ABL1: variants seen among roughly 807,000 people sequenced by gnomAD.
ABL1 encodes ABL proto-oncogene 1, non-receptor tyrosine kinase.
In ABL1, 11 loss-of-function variants were observed where a neutral mutation model predicts 94.7. The observed-to-expected ratio is 0.12, with a 90% CI of 0.07 to 0.19. The LOEUF (loss-of-function observed/expected upper bound fraction) is 0.19, where lower values mean the gene tolerates loss of function less well. Among genes scored for constraint, ABL1 ranks in the 10% least tolerant of loss-of-function variants. The pLI is 1.00. For synonymous variants in ABL1, 656 were observed against 622.4 expected (o/e 1.05, Z -0.80); for missense variants, 1,082 against 1,489.4 (o/e 0.73, Z 4.50).
intron 1 of ABL1, among the ~76,000 whole-genome samples, chr9:130,841,668 C>T (rs1830674132): frequency 6.6e-6 from 1 of 151,690 alleles, no homozygotes; most frequent in African/African-American, 2.4e-5. Context: ...AAAAATTAGC[C>T]AGGCGTAGTG....
chr9:130,735,934 C>CAT (rs71389344), intron 1 of ABL1, among the ~76,000 whole-genome samples: 1,381 of 80,162 alleles, frequency 0.017, 30 homozygotes, highest in South Asian at 0.037. Flanking sequence ...CATGTGTGTG[C>CAT]ATATATATAT....
intron 1 of ABL1, among the ~76,000 whole-genome samples, chr9:130,749,705 T>G (rs1430849924): frequency 6.6e-6 from 1 of 152,136 alleles, no homozygotes; most frequent in Non-Finnish European, 1.5e-5. Flanking sequence ...CTCTCCCAGG[T>G]GGGTAGGAGA....
chr9:130,754,023 G>A (rs549651957), intron 1 of ABL1, among the ~76,000 whole-genome samples: 13 of 151,146 alleles, frequency 8.6e-5, no homozygotes, highest in Admixed American at 3.3e-4. Flanking sequence ...TGGCCAACAT[G>A]GTGAAACCCC....
chr9:130,878,567 T>C lies in ABL1; in HGVS notation c.1423T>C (p.Cys475Arg). ...GAAGGTCTATGAACTCATGCGAGCA[T>C]GTAAGCCTTCCTCAGCCTGTTCTCA... The part of the protein sequence containing the change: ...PEKVYELMRA[C>R]WQWNPSDRPS... Residue 475 changes from cysteine (C) to arginine (R), a missense_variant and splice_region_variant, in exon 8 of 11, where the codon TGT becomes CGT. Physicochemically the swap from Cys to Arg is radical, Grantham distance 180 (BLOSUM62 -3). Transcript: ENST00000318560. The C allele has an allele frequency of 6.2e-7, 1 of 1,614,068 alleles. No individual in the cohort carries two copies. Among genetic ancestry groups the C allele is most frequent in the East Asian group, 2.2e-5 (1 of 44,874 alleles).
At chr9:130,809,655 G>A (rs1428854772) in intron 1 of ABL1, among the ~76,000 whole-genome samples, 2 of 152,144 alleles carry the variant, frequency 1.3e-5, no homozygotes, top group African/African-American at 4.8e-5. Flanking sequence ...CCAGTTCGAA[G>A]GCAGTTAGGC....
Position 130,872,138 on chromosome 9 carries a change from A to G in ABL1, c.832A>G (p.Met278Val). 6.2e-7 allele frequency: 1 copy of G among 1,613,436 alleles called. No individual in the cohort carries two copies. Among genetic ancestry groups the G allele is most frequent in the Non-Finnish European group, 8.5e-7 (1 of 1,179,658 alleles). ...VAVKTLKEDT[M>V]EVEEFLKEAA... Reference sequence around the variant, plus strand: ...TTTTTTCCTTCTGCAGGAGGACACCATGGAGGTGGAAGAGTTCTTGAAAGA... The same window carrying G: ...TTTTTTCCTTCTGCAGGAGGACACCGTGGAGGTGGAAGAGTTCTTGAAAGA... Residue 278 changes from methionine to valine, a missense_variant, in exon 5 of 11, where the codon ATG becomes GTG. Physicochemically the swap from Met to Val is conservative, Grantham distance 21. This residue lies in a region of ABL1 where 92 missense variants were observed against 212.3 expected (regional missense o/e 0.43). Transcript: ENST00000318560. This position sits in a 1 kb window ranked among gnomAD's most constrained non-coding sequence, Gnocchi z 5.0.
At chr9:130,741,471 T>G (rs529311915) in intron 1 of ABL1, among the ~76,000 whole-genome samples, 1 of 151,784 alleles carries the variant, frequency 6.6e-6, no homozygotes, top group Admixed American at 6.6e-5. Context: ...GAGTAACAAT[T>G]ATAGCACTGG....
intron 1 of ABL1, among the ~76,000 whole-genome samples, chr9:130,769,486 C>G: frequency 6.6e-6 from 1 of 151,878 alleles, no homozygotes; most frequent in South Asian, 2.1e-4. Flanking sequence ...TGTGCACCAC[C>G]ATGACTGGCT....
chr9:130,862,913 A>C lies in ABL1; in HGVS notation c.700A>C (p.Lys234Gln). 2 of 1,614,176 alleles carry C rather than the reference A, an allele frequency of 1.2e-6. No homozygotes were observed. Among genetic ancestry groups the C allele is most frequent in the Non-Finnish European group, 1.7e-6 (2 of 1,180,028 alleles). ...TVYGVSPNYDKWEMERTDITM... is the reference protein window; with the variant it reads ...TVYGVSPNYDQWEMERTDITM... ...CTATGGTGTGTCCCCCAACTACGACAAGTGGGAGATGGAACGCACGGACAT... is the reference window on the plus strand; with the variant it reads ...CTATGGTGTGTCCCCCAACTACGACCAGTGGGAGATGGAACGCACGGACAT... Residue 234 changes from lysine to glutamine, a missense_variant, in exon 4 of 11, where the codon AAG (lysine) becomes CAG (glutamine). Coordinates refer to ENST00000318560, the MANE Select transcript of ABL1 (RefSeq NM_005157.6). The surrounding 1 kb of genome is among the most constrained non-coding windows in gnomAD (Gnocchi z 5.5).
Position 130,790,386 on chromosome 9 carries a change from G to A in ABL1, c.137-63678G>A, listed in dbSNP as rs144158693. ...GCCTGCATATCTAAGCTGTGTTCAC[G>A]CTCCTCACAAGCATGCTTGTAGGTG... On this transcript the variant is annotated intron_variant, in intron 1 of 10. Coordinates refer to the ABL1 transcript ENST00000372348. Among the ~76,000 whole-genome samples, 119 of 152,306 alleles carry A rather than the reference G, an allele frequency of 7.8e-4. 1 individual carries two copies. Among genetic ancestry groups the A allele is most frequent in the African/African-American group, 2.8e-3 (117 of 41,556 alleles).
At chr9:130,842,781 A>T (rs1830695521) in intron 1 of ABL1, among the ~76,000 whole-genome samples, 1 of 152,230 alleles carries the variant, frequency 6.6e-6, no homozygotes, top group Non-Finnish European at 1.5e-5. Flanking sequence ...GACAATAAAA[A>T]TGCCTTTGTG....
At chr9:130,731,585 G>A (rs1047825850) in intron 1 of ABL1, among the ~76,000 whole-genome samples, 3 of 152,144 alleles carry the variant, frequency 2.0e-5, no homozygotes, top group African/African-American at 4.8e-5. Context: ...ATACATGTAC[G>A]TGTGGATCTG....
chr9:130,855,680 T>C (rs1014483992), intron 3 of ABL1, among the ~76,000 whole-genome samples: 1 of 152,170 alleles, frequency 6.6e-6, no homozygotes, highest in Non-Finnish European at 1.5e-5. Flanking sequence ...GATTTTGTGG[T>C]CTTCATATAA....
At chr9:130,720,576 G>C (rs1006692644) in intron 1 of ABL1, among the ~76,000 whole-genome samples, 6 of 152,244 alleles carry the variant, frequency 3.9e-5, no homozygotes, top group Non-Finnish European at 7.4e-5. Flanking sequence ...TGGCCTTATT[G>C]GCCCATTTCA....
intron 1 of ABL1, among the ~76,000 whole-genome samples, chr9:130,775,966 T>C (rs1564287003): frequency 1.3e-5 from 2 of 152,180 alleles, no homozygotes; most frequent in Non-Finnish European, 2.9e-5. Context: ...AATTTTAAAC[T>C]TAGCTAAAAT....
chr9:130,744,419 G>T (rs1831858548), intron 1 of ABL1, among the ~76,000 whole-genome samples: 1 of 151,468 alleles, frequency 6.6e-6, no homozygotes. Flanking sequence ...GGGATTACAG[G>T]GGTGAGCCAC....
chr9:130,829,640 G>A (rs565102499), intron 1 of ABL1, among the ~76,000 whole-genome samples: 1 of 151,606 alleles, frequency 6.6e-6, no homozygotes, highest in East Asian at 1.9e-4. Flanking sequence ...ATCACTAGAT[G>A]TTTGACAGAT....
chr9:130,846,416 C>T (rs1830773173), intron 1 of ABL1, among the ~76,000 whole-genome samples: 1 of 152,008 alleles, frequency 6.6e-6, no homozygotes, highest in Non-Finnish European at 1.5e-5. Context: ...AGGATAATAG[C>T]GAAGGACCCA....
chr9:130,858,319 C>T (rs1301686303), intron 3 of ABL1, among the ~76,000 whole-genome samples: 2 of 152,084 alleles, frequency 1.3e-5, no homozygotes, highest in Non-Finnish European at 2.9e-5. Flanking sequence ...CCTAAGATGC[C>T]TCTGTCTAAA....
Sources: allele counts gnomAD v4.1 joint callset (sites outside exome capture counted in the v4.1 genomes callset), GRCh38; gene constraint gnomAD v4.1.1; regional missense constraint gnomAD v4.1.1; non-coding constraint Gnocchi (gnomAD v3.1); transcripts MANE v1.5; gene names NCBI Gene and HGNC (gene_info 2026-07-23, HGNC 2026-07-21).